Variants in NTM observed in about 807,000 individuals in gnomAD.
NTM encodes the protein neurotrimin.
A neutral mutation model predicts 42.1 loss-of-function variants in NTM; 13 were observed. That is an observed-to-expected ratio of 0.31 (90% CI 0.20 to 0.49). NTM has a LOEUF of 0.49. NTM is among the 20% of genes least tolerant of loss of function. The probability of loss-of-function intolerance (pLI) is 0.99; values close to 1 mark genes in which losing one functional copy is unlikely to be tolerated. For missense variants in NTM, 373 were observed against 452.8 expected (o/e 0.82, Z 1.60); for synonymous variants, 187 against 179.2 (o/e 1.04, Z -0.35).
chr11:131,391,505 C>T (rs564902457), intron 1 of NTM, among the ~76,000 whole-genome samples: 4 of 150,566 alleles, frequency 2.7e-5, no homozygotes, highest in African/African-American at 9.8e-5. Context: ...GCAAGCAGAG[C>T]GAAGTGACAA....
chr11:131,642,522 A>G lies in NTM; in HGVS notation c.83-269042A>G, dbSNP rs140073678. On this transcript the variant is annotated intron_variant, in intron 1 of 8. Transcript: ENST00000683400. ...ATCTGCTCACATCCCTGGAGCCCAT[A>G]AATTTGTGGGGCTGATTAGTTGTTG... 7.2e-5 allele frequency among the ~76,000 whole-genome samples: 11 copies of G among 152,324 alleles called. No homozygotes were observed. In the East Asian group the frequency reaches 1.5e-3, roughly 21 times the overall value.
At chr11:131,520,582 T>A (rs1328742922) in intron 1 of NTM, among the ~76,000 whole-genome samples, 2 of 152,156 alleles carry the variant, frequency 1.3e-5, no homozygotes, top group Non-Finnish European at 2.9e-5. Flanking sequence ...CTTAGAAACT[T>A]GGGGAGCAGG....
At chr11:132,006,136 AGTGCTTGGT>A (rs1280564900) in intron 2 of NTM, among the ~76,000 whole-genome samples, 1 of 152,104 alleles carries the variant, frequency 6.6e-6, no homozygotes, top group African/African-American at 2.4e-5. Flanking sequence ...CTTTAATAAG[AGTGCTTGGT>A]GTTCGCATTC....
intron 2 of NTM, among the ~76,000 whole-genome samples, chr11:131,968,760 C>T (rs2063159213): frequency 6.6e-6 from 1 of 152,166 alleles, no homozygotes; most frequent in African/African-American, 2.4e-5. Flanking sequence ...ATAATTCACA[C>T]ATATCCTCCC....
chr11:131,937,820 T>C (rs985105045), intron 2 of NTM, among the ~76,000 whole-genome samples: 2 of 152,322 alleles, frequency 1.3e-5, no homozygotes, highest in East Asian at 1.9e-4. Context: ...TATGGATTAA[T>C]GTTATTTTGT....
intron 3 of NTM, among the ~76,000 whole-genome samples, chr11:132,186,491 G>A (rs975112093): frequency 1.3e-5 from 2 of 152,212 alleles, no homozygotes; most frequent in African/African-American, 4.8e-5. Flanking sequence ...CAGGCCACTT[G>A]AAATTCATGA....
At chr11:131,703,626 C>A (rs544918425) in intron 1 of NTM, among the ~76,000 whole-genome samples, 4 of 152,326 alleles carry the variant, frequency 2.6e-5, no homozygotes, top group African/African-American at 9.6e-5. Context: ...CACAAAAACA[C>A]TTTCACAGGA....
At chr11:132,328,502 A>G (rs746275628) in intron 7 of NTM, among the ~76,000 whole-genome samples, 4 of 152,098 alleles carry the variant, frequency 2.6e-5, no homozygotes, top group Non-Finnish European at 5.9e-5. Flanking sequence ...GTCTTTGTTT[A>G]TAGAAAACCT....
intron 2 of NTM, among the ~76,000 whole-genome samples, chr11:131,955,446 C>T (rs970571276): frequency 2.6e-5 from 4 of 151,896 alleles, no homozygotes; most frequent in Admixed American, 2.0e-4. Context: ...GAGGAATTAG[C>T]GAGAAAATGA....
At chr11:131,382,218 G>A (rs1189000350) in intron 1 of NTM, among the ~76,000 whole-genome samples, 1 of 152,052 alleles carries the variant, frequency 6.6e-6, no homozygotes, top group Non-Finnish European at 1.5e-5. Context: ...TGTGCTTTTC[G>A]GACTTTATTA....
intron 1 of NTM, among the ~76,000 whole-genome samples, chr11:131,487,056 C>CAA (rs201403783): frequency 3.3e-5 from 5 of 151,762 alleles, no homozygotes; most frequent in African/African-American, 1.2e-4. Context: ...GAAACCCCAG[C>CAA]AAAAAAAACA....
chr11:131,852,002 G>T (rs1225152829), intron 1 of NTM, among the ~76,000 whole-genome samples: 1 of 152,150 alleles, frequency 6.6e-6, no homozygotes, highest in Non-Finnish European at 1.5e-5. Flanking sequence ...GCCATGTTGA[G>T]GATGAGCTGG....
intron 2 of NTM, among the ~76,000 whole-genome samples, chr11:131,990,658 A>G (rs2066854934): frequency 6.6e-6 from 1 of 152,102 alleles, no homozygotes; most frequent in African/African-American, 2.4e-5. Flanking sequence ...GTTGATGTAA[A>G]CCTGAAGAGA....
At chr11:131,549,992 G>A (rs1565628350) in intron 1 of NTM, among the ~76,000 whole-genome samples, 1 of 152,170 alleles carries the variant, frequency 6.6e-6, no homozygotes, top group Admixed American at 6.5e-5. Context: ...GGCGGACTCA[G>A]GCACAAACAC....
chr11:131,702,064 T>C (rs1392878950), intron 1 of NTM, among the ~76,000 whole-genome samples: 1 of 152,144 alleles, frequency 6.6e-6, no homozygotes, highest in Non-Finnish European at 1.5e-5. Flanking sequence ...TCTCAGATGC[T>C]CACAAATAGC....
intron 1 of NTM, among the ~76,000 whole-genome samples, chr11:131,484,479 G>A (rs753786789): frequency 7.6e-4 from 116 of 152,294 alleles, no homozygotes; most frequent in Middle Eastern, 3.4e-3. Context: ...AGGACACAGC[G>A]CTGCTTCGGG....
At chr11:131,715,058 A>C (rs538515515) in intron 1 of NTM, among the ~76,000 whole-genome samples, 12 of 152,320 alleles carry the variant, frequency 7.9e-5, no homozygotes, top group African/African-American at 2.9e-4. Flanking sequence ...AGGAATAGTC[A>C]CCATAACAAA....
intron 1 of NTM, among the ~76,000 whole-genome samples, chr11:131,672,237 G>C (rs1319763714): frequency 6.6e-6 from 1 of 152,192 alleles, no homozygotes; most frequent in Non-Finnish European, 1.5e-5. Context: ...TTCCCCTCTG[G>C]GGAGGCCTCA....
chr11:132,120,005 A>G (rs564950608), intron 2 of NTM, among the ~76,000 whole-genome samples: 1 of 152,320 alleles, frequency 6.6e-6, no homozygotes, highest in South Asian at 2.1e-4. Flanking sequence ...GGAAATTGAC[A>G]AATCTCAGAA....
Sources: gnomAD v4.1 joint callset for allele counts (sites outside exome capture counted in the v4.1 genomes callset) on GRCh38, gnomAD v4.1.1 for gene constraint, MANE v1.5 for transcripts, NCBI Gene and HGNC (gene_info 2026-07-23, HGNC 2026-07-21) for gene names.